PDIA6: variants seen among roughly 807,000 people sequenced by gnomAD.
PDIA6 encodes protein disulfide isomerase family A member 6.
Under a neutral mutation model 58.4 loss-of-function variants are expected in PDIA6, and 29 were observed. The observed-to-expected ratio is 0.50, with a 90% CI of 0.37 to 0.68. The LOEUF (loss-of-function observed/expected upper bound fraction) is 0.68. Ranked by LOEUF, PDIA6 falls within the 30% of genes least tolerant of loss-of-function variation. PDIA6 has a pLI of 0.00. For missense variants in PDIA6, 480 were observed against 551.0 expected (o/e 0.87, Z 1.29); for synonymous variants, 192 against 202.6 (o/e 0.95, Z 0.44).
upstream of PDIA6, among the ~76,000 whole-genome samples, chr2:10,833,341 C>A (rs1321396165): frequency 1.3e-5 from 2 of 152,182 alleles, no homozygotes; most frequent in Non-Finnish European, 2.9e-5. Flanking sequence ...CATCCTTTCC[C>A]GTTTGGAATT....
Position 10,812,414 on chromosome 2 carries a change from AC to A in PDIA6, c.19+263del, listed in dbSNP as rs1276624112. On this transcript the variant is annotated intron_variant, in intron 1 of 12. Coordinates refer to ENST00000272227, the MANE Select transcript of PDIA6 (RefSeq NM_005742.4). ...CCGCGGCTCTCCCGCCCGGCCCTGG[AC>A]CCCGCGCCCGGCTCCAGCGCACGAG... Among the ~76,000 whole-genome samples the A allele has an allele frequency of 6.7e-5, 10 of 149,566 alleles. No homozygotes were observed. The East Asian group carries it at 2.0e-3, about 30-fold the overall frequency.
In PDIA6 at chr2:10,786,325, GA is replaced by G. The variant is rs11381572; in HGVS notation, c.1157+955del. Among the ~76,000 whole-genome samples, 50 of 151,236 alleles carry G rather than the reference GA, an allele frequency of 3.3e-4. 1 individual carries two copies. In the South Asian group the frequency reaches 0.01, roughly 30 times the overall value. ...AAGACTCTGTCTCGGGGGTGGGGGG[GA>G]AAGAAAACACCCATTAACCATATTA... On this transcript the variant is annotated intron_variant, in intron 11 of 12. Transcript: ENST00000272227.
chr2:10,803,790 T>C (rs974486065), intron 1 of PDIA6, among the ~76,000 whole-genome samples: 27 of 152,116 alleles, frequency 1.8e-4, no homozygotes, highest in African/African-American at 6.5e-4. Context: ...AGAACACATA[T>C]ATGAGGGTGG....
At chr2:10,790,621 C>T in intron 7 of PDIA6, 98 bp downstream of exon 7, 5 of 819,110 alleles carry the variant, frequency 6.1e-6, no homozygotes, top group South Asian at 4.7e-5. Flanking sequence ...ATGGTTTAAA[C>T]ATCTCCTTTA....
chr2:10,804,123 T>C (rs1370469684), intron 1 of PDIA6, among the ~76,000 whole-genome samples: 1 of 151,846 alleles, frequency 6.6e-6, no homozygotes, highest in East Asian at 1.9e-4. Context: ...TTAGCCAGGA[T>C]GGTCTCGATC....
At position 10,804,686 on chromosome 2, in the gene PDIA6, T is replaced by C. The variant is rs1379699105; in HGVS notation, c.20-2046A>G. On this transcript the variant is annotated intron_variant, in intron 1 of 12. Coordinates refer to ENST00000272227, the MANE Select transcript of PDIA6 (RefSeq NM_005742.4). ...TTTTGGTTCCATATGAACTTTAAAG[T>C]AGTTTTTTCCAATTCTGTGAAGAAA... Among the ~76,000 whole-genome samples the C allele has an allele frequency of 2.3e-5, 3 of 131,692 alleles. No individual in the cohort carries two copies. In the Admixed American group the frequency reaches 2.5e-4, roughly 11 times the overall value. The allele number at this position is 131,692 out of a possible 152,430, so 86.4% of individuals were successfully genotyped here.
At position 10,785,022 on chromosome 2, in the gene PDIA6, G is replaced by A. The variant is rs1310266237; in HGVS notation, c.1166C>T (p.Ser389Phe). 10 of 1,576,730 alleles carry A rather than the reference G, an allele frequency of 6.3e-6. No homozygotes were observed. The East Asian group carries it at 2.1e-4, about 33-fold the overall frequency. ...QGINEFLREL[S>F]FGRGSTAPVG... ...AGGTGCCGTGGAGCCACGCCCAAAA[G>A]AGAGCTCCCTTAGGGAAAAATGACC... Residue 389 changes from serine to phenylalanine, a missense_variant, in exon 12 of 13, where the codon TCT (serine) becomes TTT (phenylalanine). Physicochemically the swap from Ser to Phe is radical, Grantham distance 155. Coordinates refer to ENST00000272227, the MANE Select transcript of PDIA6 (RefSeq NM_005742.4).
At chr2:10,821,026 C>A (rs1010293581) in intron 1 of PDIA6, 5 of 558,914 alleles carry the variant, frequency 8.9e-6, no homozygotes, top group African/African-American at 5.7e-5. Context: ...GTGGATTCTA[C>A]CTCCCAGTGA....
At chr2:10,829,589 T>A (rs1667648410) in intron 1 of PDIA6, among the ~76,000 whole-genome samples, 1 of 152,214 alleles carries the variant, frequency 6.6e-6, no homozygotes, top group Non-Finnish European at 1.5e-5. Flanking sequence ...ACTGAGTCAA[T>A]CACCAAATCC....
upstream of PDIA6, chr2:10,815,621 T>C: frequency 6.6e-6 from 1 of 152,428 alleles, no homozygotes. Context: ...CTCGGCTCAC[T>C]GCAACCTCCA....
intron 1 of PDIA6, among the ~76,000 whole-genome samples, chr2:10,820,024 C>T (rs563189302): frequency 6.1e-4 from 93 of 152,344 alleles, no homozygotes; most frequent in African/African-American, 2.2e-3. Flanking sequence ...ACTAGTCTCA[C>T]TTTACCGAGG....
intron 6 of PDIA6, among the ~76,000 whole-genome samples, chr2:10,791,437 T>C (rs1032316114): frequency 6.6e-6 from 1 of 152,218 alleles, no homozygotes; most frequent in Admixed American, 6.5e-5. Context: ...TGAGCCACCA[T>C]GCCTAGCCTA....
chr2:10,829,000 G>A (rs534354248), intron 1 of PDIA6, among the ~76,000 whole-genome samples: 85 of 152,288 alleles, frequency 5.6e-4, no homozygotes, highest in African/African-American at 2.0e-3. Flanking sequence ...CCCCCACCCC[G>A]TCTTCAGTGA....
chr2:10,798,448 A>G (rs1257388997), intron 2 of PDIA6, among the ~76,000 whole-genome samples: 1 of 151,884 alleles, frequency 6.6e-6, no homozygotes, highest in East Asian at 1.9e-4. Flanking sequence ...CACACCTGTA[A>G]TCTTAGCTAT....
chr2:10,815,768 C>A (rs974586370), upstream of PDIA6, among the ~76,000 whole-genome samples: 11 of 152,184 alleles, frequency 7.2e-5, no homozygotes, highest in Non-Finnish European at 1.2e-4. Flanking sequence ...TGGTCTCGAA[C>A]TCCTGACCTC....
chr2:10,798,058 C>A (rs987157903), intron 2 of PDIA6, among the ~76,000 whole-genome samples: 1 of 151,912 alleles, frequency 6.6e-6, no homozygotes, highest in East Asian at 1.9e-4. Context: ...TGGTGGTGCA[C>A]GCTTGTAATC....
intron 1 of PDIA6, among the ~76,000 whole-genome samples, chr2:10,804,550 T>C (rs1034726076): frequency 3.2e-5 from 4 of 125,122 alleles, no homozygotes; most frequent in African/African-American, 1.0e-4. Context: ...TTGGTACCAG[T>C]ACCATGCTGT....
chr2:10,787,725 G>T (rs1000533152), intron 10 of PDIA6, among the ~76,000 whole-genome samples: 14 of 152,128 alleles, frequency 9.2e-5, no homozygotes, highest in African/African-American at 3.4e-4. Flanking sequence ...GGGGCGCTAG[G>T]TACCTGGGGA....
chr2:10,817,107 C>T (rs558171229), upstream of PDIA6, among the ~76,000 whole-genome samples: 16 of 152,320 alleles, frequency 1.1e-4, no homozygotes, highest in African/African-American at 2.4e-4. Context: ...TGCTCCAGCC[C>T]GCTAGGATCA....
Sources: allele counts gnomAD v4.1 joint callset (sites outside exome capture counted in the v4.1 genomes callset), GRCh38; gene constraint gnomAD v4.1.1; transcripts MANE v1.5; gene names NCBI Gene and HGNC (gene_info 2026-07-23, HGNC 2026-07-21).